The following CHD9NB variants were observed in gnomAD, a reference collection of about 807,000 sequenced individuals.
The protein encoded by CHD9NB is CHD9 neighbor.
At chr16:53,048,027 G>T in the CHD9NB span, among the ~76,000 whole-genome samples, 1 of 136,956 alleles carries the variant, frequency 7.3e-6, no homozygotes, top group Non-Finnish European at 1.6e-5. Flanking sequence ...AGGGAGGGAA[G>T]GGAAGGAAAG....
chr16:53,050,502 C>T, the CHD9NB span, among the ~76,000 whole-genome samples: 2 of 151,752 alleles, frequency 1.3e-5, no homozygotes, highest in African/African-American at 2.4e-5. Context: ...AATGAGACCC[C>T]GTCTCAAAAA....
At chr16:53,051,574 A>C in the CHD9NB span, among the ~76,000 whole-genome samples, 1 of 137,572 alleles carries the variant, frequency 7.3e-6, no homozygotes, top group African/African-American at 2.7e-5. Context: ...AACAATGAGA[A>C]CACTTGGACA....
chr16:53,035,809 T>A, the CHD9NB span: 1 of 151,962 alleles, frequency 6.6e-6, no homozygotes, highest in Non-Finnish European at 1.5e-5. Flanking sequence ...AAAAAAATAA[T>A]TAAAAATTAG....
At chr16:53,037,796 C>T in the CHD9NB span, among the ~76,000 whole-genome samples, 1 of 152,232 alleles carries the variant, frequency 6.6e-6, no homozygotes, top group African/African-American at 2.4e-5. Flanking sequence ...GTCTCAGCCT[C>T]TAAAGGCAAA....
the CHD9NB span, among the ~76,000 whole-genome samples, chr16:53,039,826 G>A: frequency 6.6e-6 from 1 of 152,052 alleles, no homozygotes; most frequent in East Asian, 1.9e-4. Flanking sequence ...TTTGACAGGG[G>A]CTATGCAGTG....
the CHD9NB span, among the ~76,000 whole-genome samples, chr16:53,051,475 T>C: frequency 1.3e-5 from 2 of 151,914 alleles, no homozygotes; most frequent in Middle Eastern, 3.4e-3. Context: ...TGTAGGGACA[T>C]GGATGAAGCT....
chr16:53,051,356 G>T, the CHD9NB span, among the ~76,000 whole-genome samples: 2 of 152,020 alleles, frequency 1.3e-5, no homozygotes, highest in Non-Finnish European at 2.9e-5. Flanking sequence ...AAAGCAAAAG[G>T]GATAAAAATG....
the CHD9NB span, among the ~76,000 whole-genome samples, chr16:53,047,781 T>G: frequency 1.4e-4 from 22 of 152,206 alleles, no homozygotes; most frequent in African/African-American, 5.3e-4. Flanking sequence ...GTGGATCACT[T>G]GAGGTCAGGA....
At chr16:53,040,160 C>T in the CHD9NB span, among the ~76,000 whole-genome samples, 6 of 152,092 alleles carry the variant, frequency 3.9e-5, no homozygotes, top group Admixed American at 3.9e-4. Context: ...ACCTCCGCCT[C>T]CCAGATTCAA....
chr16:53,040,500 G>A, the CHD9NB span, among the ~76,000 whole-genome samples: 12 of 152,062 alleles, frequency 7.9e-5, no homozygotes, highest in Admixed American at 2.6e-4. Context: ...TCATACATTC[G>A]CTTCCAAAAT....
At chr16:53,052,091 T>C in the CHD9NB span, among the ~76,000 whole-genome samples, 1 of 151,226 alleles carries the variant, frequency 6.6e-6, no homozygotes, top group African/African-American at 2.4e-5. Flanking sequence ...AAATCCTTAG[T>C]GCATGAGCCA....
At chr16:53,051,768 AATATATATATATATATATAT>A in the CHD9NB span, among the ~76,000 whole-genome samples, 148 of 104,594 alleles carry the variant, frequency 1.4e-3, 5 homozygotes, top group African/African-American at 6.0e-3. Flanking sequence ...TAAAAGTATA[AATATATATATATATATATAT>A]ATATATATAT....
At chr16:53,039,430 C>T in the CHD9NB span, among the ~76,000 whole-genome samples, 22 of 152,150 alleles carry the variant, frequency 1.4e-4, no homozygotes, top group Non-Finnish European at 2.9e-4. Flanking sequence ...GTGAACTTTC[C>T]TTTCCTAATT....
the CHD9NB span, among the ~76,000 whole-genome samples, chr16:53,037,380 C>A: frequency 2.6e-5 from 4 of 152,194 alleles, no homozygotes; most frequent in Admixed American, 1.3e-4. Flanking sequence ...ACAAATTTAA[C>A]TGAGAAAGGA....
chr16:53,050,499 C>A, the CHD9NB span, among the ~76,000 whole-genome samples: 1 of 151,988 alleles, frequency 6.6e-6, no homozygotes, highest in Non-Finnish European at 1.5e-5. Flanking sequence ...CAGAATGAGA[C>A]CCCGTCTCAA....
At chr16:53,048,024 GAAGGGAAGGA>G in the CHD9NB span, among the ~76,000 whole-genome samples, 1 of 120,938 alleles carries the variant, frequency 8.3e-6, no homozygotes, top group Admixed American at 9.0e-5. Flanking sequence ...GGGAGGGAGG[GAAGGGAAGGA>G]AAGGGAAGGG....
At chr16:53,051,280 GAATTT>G in the CHD9NB span, among the ~76,000 whole-genome samples, 3 of 152,022 alleles carry the variant, frequency 2.0e-5, no homozygotes, top group African/African-American at 7.2e-5. Flanking sequence ...ATAATTTTAT[GAATTT>G]ATTTTAAAAA....
At chr16:53,047,654 T>C in the CHD9NB span, among the ~76,000 whole-genome samples, 9 of 152,148 alleles carry the variant, frequency 5.9e-5, no homozygotes, top group Non-Finnish European at 1.2e-4. Context: ...CTCCATAAAG[T>C]CTCTATCTCC....
At chr16:53,043,229 T>C in the CHD9NB span, 1 of 152,224 alleles carries the variant, frequency 6.6e-6, no homozygotes, top group East Asian at 1.9e-4. Flanking sequence ...GAAAGCTGGA[T>C]GCAGATAGCT....
Sources: gnomAD v4.1 joint callset for allele counts (sites outside exome capture counted in the v4.1 genomes callset) on GRCh38, gnomAD v4.1.1 for gene constraint, MANE v1.5 for transcripts, NCBI Gene and HGNC (gene_info 2026-07-23, HGNC 2026-07-21) for gene names.